The following KCTD19 variants were observed in gnomAD, a reference collection of about 807,000 sequenced individuals.
KCTD19 encodes the protein BTB/POZ domain-containing protein KCTD19.
A neutral mutation model predicts 103.5 loss-of-function variants in KCTD19; 67 were observed. The observed-to-expected ratio is 0.65, with a 90% CI of 0.53 to 0.79. The LOEUF is 0.79. Ranked by LOEUF, KCTD19 falls within the 30% of genes least tolerant of loss-of-function variation. The pLI is 0.00. For synonymous variants in KCTD19, 439 were observed against 452.2 expected (o/e 0.97, Z 0.37); for missense variants, 980 against 1,136.1 (o/e 0.86, Z 1.98).
At position 67,293,795 on chromosome 16, in the gene KCTD19, G is replaced by A. The variant is rs1435892160; in HGVS notation, c.1967C>T (p.Thr656Ile). 2.5e-6 allele frequency: 4 copies of A among 1,613,816 alleles called. No homozygotes were observed. The highest frequency in any genetic ancestry group is 1.1e-5 in the South Asian group (1 of 91,086). Residue 656 changes from threonine to isoleucine, a missense_variant, in exon 12 of 16, where the codon ACA becomes ATA. Coordinates refer to ENST00000304372, the MANE Select transcript of KCTD19 (RefSeq NM_001100915.3). The surrounding 1 kb of genome is among the most constrained non-coding windows in gnomAD (Gnocchi z 4.0). ...NCKQWEFQPL[T>I]ATRSSPLEEA... is the part of the protein sequence containing the mutation. ...CTCCAAGGGGCTGCTCCGTGTGGCT[G>A]TCAGTGGCTGGAATTCCCACTGTTT...
chr16:67,296,385 T>C lies in KCTD19; in HGVS notation c.1148-126A>G. On this transcript the variant is annotated intron_variant, in intron 7 of 15. Transcript: ENST00000304372. ...CTTTCCTCAGTCATATTGTGTTGCC[T>C]AGTCTGAGAAGCAGCAGAAATCCCT... The C allele has an allele frequency of 4.5e-6, 3 of 668,426 alleles. No individual in the cohort carries two copies. In the South Asian group the frequency reaches 4.9e-5, roughly 11 times the overall value. 41.4% of individuals were successfully genotyped at this position (668,426 alleles called of 1,614,324 possible).
At chr16:67,315,746 T>C (rs895645324) in intron 2 of KCTD19, among the ~76,000 whole-genome samples, 8 of 152,000 alleles carry the variant, frequency 5.3e-5, no homozygotes, top group Non-Finnish European at 1.2e-4. Flanking sequence ...CCCAAAGTGC[T>C]GGGATTACAG....
At position 67,293,042 on chromosome 16, in the gene KCTD19, T is replaced by C. The variant is rs2036718254; in HGVS notation, c.2218+502A>G. The stretch of plus-strand genomic sequence containing the variant: ...CATTTCCTCTGCTCCTGGAGCAAAC[T>C]TTCTGATGGGCACACCTGACCCCGT... On this transcript the variant is annotated intron_variant, in intron 12 of 15. Coordinates refer to ENST00000304372, the MANE Select transcript of KCTD19 (RefSeq NM_001100915.3). The surrounding 1 kb of genome is among the most constrained non-coding windows in gnomAD (Gnocchi z 4.0). Among the ~76,000 whole-genome samples, 3 of 152,180 alleles carry C rather than the reference T, an allele frequency of 2.0e-5. No homozygotes were observed. Among genetic ancestry groups the C allele is most frequent in the Admixed American group, 1.3e-4 (2 of 15,272 alleles).
At chr16:67,290,785 T>C in intron 15 of KCTD19, 100 bp downstream of exon 15, 1 of 1,091,292 alleles carries the variant, frequency 9.2e-7, no homozygotes, top group Non-Finnish European at 1.3e-6. Context: ...CTGTCTAGCC[T>C]TCTGGGCAGT....
At chr16:67,310,146 G>A (rs1053352808) in intron 2 of KCTD19, among the ~76,000 whole-genome samples, 1 of 152,138 alleles carries the variant, frequency 6.6e-6, no homozygotes, top group Non-Finnish European at 1.5e-5. Flanking sequence ...AGCCATTCGG[G>A]TGCTATAAGA....
In KCTD19 at chr16:67,323,544, G is replaced by C. The variant is rs147422430; in HGVS notation, c.4-2659C>G. Reference sequence around the variant, plus strand: ...CTCTAAAAAAATAAAAAATAAAAAGGAATGAAGTACTGATACATGATAACA... The same window carrying C: ...CTCTAAAAAAATAAAAAATAAAAAGCAATGAAGTACTGATACATGATAACA... On this transcript the variant is annotated intron_variant, in intron 1 of 15. Transcript: ENST00000304372. The surrounding 1 kb of genome is among the most constrained non-coding windows in gnomAD (Gnocchi z 4.1). Among the ~76,000 whole-genome samples the C allele has an allele frequency of 6.3e-3, 959 of 152,154 alleles. 8 individuals are homozygous for C. Among genetic ancestry groups the C allele is most frequent in the African/African-American group, 0.022 (897 of 41,528 alleles).
chr16:67,314,826 TATATAG>T (rs1416496160), intron 2 of KCTD19, among the ~76,000 whole-genome samples: 45 of 55,298 alleles, frequency 8.1e-4, no homozygotes, highest in Admixed American at 1.9e-3. Flanking sequence ...TATATATATA[TATATAG>T]AGAGAGAGAG....
rs77405855 is a variant in KCTD19, at chr16:67,304,957, C to T, written c.301-386G>A. On this transcript the variant is annotated intron_variant, in intron 2 of 15. Coordinates refer to ENST00000304372, the MANE Select transcript of KCTD19 (RefSeq NM_001100915.3). ...GGTTGAGATTACGGGCATGAACCAC[C>T]GCGCCCAGCGACTTACTTTAAGTGT... 3.3e-3 allele frequency among the ~76,000 whole-genome samples: 503 copies of T among 152,246 alleles called. 4 individuals carry two copies. The South Asian group carries it at 0.039, about 12-fold the overall frequency.
At chr16:67,304,108 T>C (rs148031339) in intron 3 of KCTD19, among the ~76,000 whole-genome samples, 44 of 152,312 alleles carry the variant, frequency 2.9e-4, no homozygotes, top group Admixed American at 1.2e-3. Context: ...TTTAGGGACA[T>C]TCTGTGTGTG....
chr16:67,324,759 A>G (rs1285411657), intron 1 of KCTD19, among the ~76,000 whole-genome samples: 1 of 152,230 alleles, frequency 6.6e-6, no homozygotes, highest in Non-Finnish European at 1.5e-5. Context: ...TCTCTCCCAC[A>G]GCAATATTCA....
At chr16:67,318,315 A>C (rs1173307345) in intron 2 of KCTD19, among the ~76,000 whole-genome samples, 1 of 152,110 alleles carries the variant, frequency 6.6e-6, no homozygotes, top group Non-Finnish European at 1.5e-5. Flanking sequence ...TAATCCCAGC[A>C]CTTTGGGAGG....
chr16:67,317,530 T>C (rs1242093617), intron 2 of KCTD19, among the ~76,000 whole-genome samples: 1 of 151,878 alleles, frequency 6.6e-6, no homozygotes, highest in Non-Finnish European at 1.5e-5. Flanking sequence ...TGAGATGTGC[T>C]GTAAGTATAA....
rs1467174199 is a variant in KCTD19, at chr16:67,297,623, T to C, written c.1027A>G (p.Ile343Val). The C allele has an allele frequency of 6.2e-7, 1 of 1,614,004 alleles. No homozygotes were observed. ...GTCRLPLTET[I>V]SEVYELCAFL... ...GCACAGAGCTCATATACCTCGGAAA[T>C]GGTCTCTGTCAGGGGCAGCCGGCAA... The change falls in exon 7 of 16, where the codon ATT becomes GTT. Residue 343 changes from isoleucine (I) to valine (V), a missense_variant. By Grantham distance (29) the Ile-to-Val change is conservative (BLOSUM62 3). Coordinates refer to ENST00000304372, the MANE Select transcript of KCTD19 (RefSeq NM_001100915.3).
intron 15 of KCTD19, among the ~76,000 whole-genome samples, chr16:67,290,169 T>C (rs1597390706): frequency 3.6e-5 from 1 of 27,868 alleles, no homozygotes; most frequent in African/African-American, 1.3e-4. Flanking sequence ...AATATTTTCT[T>C]TTTTTTTTTT....
chr16:67,292,776 T>A (rs1341331330), intron 12 of KCTD19, among the ~76,000 whole-genome samples: 1 of 152,014 alleles, frequency 6.6e-6, no homozygotes, highest in African/African-American at 2.4e-5. Flanking sequence ...GCCCCTGCTG[T>A]CTCCTGGGCT....
At chr16:67,295,120 C>T in intron 9 of KCTD19, 64 bp from the exon 10 acceptor site, 2 of 1,563,152 alleles carry the variant, frequency 1.3e-6, no homozygotes, top group South Asian at 2.2e-5. Context: ...GGAGCATGAG[C>T]TCCTGGAACT....
chr16:67,304,667 CTT>C (rs202043636), intron 2 of KCTD19, 96 bp from the exon 3 acceptor site: 7,106 of 825,296 alleles, frequency 8.6e-3, no homozygotes, highest in South Asian at 0.013. Flanking sequence ...ATGTGACTTA[CTT>C]TTTTTTTTTT....
intron 2 of KCTD19, among the ~76,000 whole-genome samples, chr16:67,317,216 C>T (rs1032687468): frequency 2.6e-5 from 4 of 151,974 alleles, no homozygotes; most frequent in Non-Finnish European, 5.9e-5. Context: ...CACGGTGGCT[C>T]ACATCTGTAA....
rs1439554573 is a variant in KCTD19, at chr16:67,320,469, C to T, written c.300+120G>A. ...GGAAATTATTTATTACTTTAACACA[C>T]TTATTACATTTGCCCATTAAGAGGG... On this transcript the variant is annotated intron_variant, in intron 2 of 15. Transcript: ENST00000304372. This position sits in a 1 kb window ranked among gnomAD's most constrained non-coding sequence, Gnocchi z 4.0. The T allele has an allele frequency of 8.6e-6, 8 of 932,346 alleles. No homozygotes were observed. Among genetic ancestry groups the T allele is most frequent in the Non-Finnish European group, 1.3e-5 (8 of 604,266 alleles). The allele number at this position is 932,346 out of a possible 1,614,324, so 57.8% of individuals were successfully genotyped here. A position where few individuals can be genotyped will look rare whatever the true frequency, so the allele number is the denominator to read the frequency against.
Sources: gnomAD v4.1 joint callset for allele counts (sites outside exome capture counted in the v4.1 genomes callset) on GRCh38, gnomAD v4.1.1 for gene constraint, Gnocchi (gnomAD v3.1) non-coding constraint, MANE v1.5 for transcripts, NCBI Gene and HGNC (gene_info 2026-07-23, HGNC 2026-07-21) for gene names.